The following NHLRC3 variants were observed in gnomAD, a reference collection of about 807,000 sequenced individuals.
NHLRC3 encodes NHL repeat-containing protein 3.
Under a neutral mutation model 32.0 loss-of-function variants are expected in NHLRC3, and 23 were observed. The ratio of observed to expected loss-of-function variants is 0.72; its 90% CI spans 0.52 to 1.02. The LOEUF is 1.02. Among genes scored for constraint, NHLRC3 ranks in the 50% least tolerant of loss-of-function variants. The probability of loss-of-function intolerance (pLI) is 0.00; values close to 1 mark genes in which losing one functional copy is unlikely to be tolerated. For synonymous variants in NHLRC3, 159 were observed against 147.9 expected (o/e 1.08, Z -0.55); for missense variants, 407 against 406.8 (o/e 1.00, Z -0.01).
chr13:39,046,887 T>C (rs1357489125), intron 5 of NHLRC3, among the ~76,000 whole-genome samples, 153 bp from the exon 6 acceptor site: 1 of 152,236 alleles, frequency 6.6e-6, no homozygotes, highest in Admixed American at 6.5e-5. Flanking sequence ...TTCTGAACTT[T>C]AGTTTTTCCT....
At position 39,042,124 on chromosome 13, in the gene NHLRC3, T is replaced by G; in HGVS notation, c.405T>G (p.Val135=). ...TTATAGGATTCTTTGGTCATACTGT[T>G]AAAAAATACAGTTCTTTTGGTGATC... ...DVGSGFFGHT[V]KKYSSFGDLV... Residue 135 remains valine (V), a synonymous_variant, in exon 4 of 7, where the codon GTT becomes GTG. Coordinates refer to ENST00000379600, the MANE Select transcript of NHLRC3 (RefSeq NM_001012754.4). The G allele has an allele frequency of 6.2e-7, 1 of 1,602,526 alleles. No homozygotes were observed. Among genetic ancestry groups the G allele is most frequent in the Non-Finnish European group, 8.5e-7 (1 of 1,169,658 alleles).
chr13:39,038,675 C>T lies in NHLRC3; in HGVS notation c.36C>T (p.Gly12=). The part of the protein sequence containing the change: ...ARFWVCVAGA[G]FFLAFLVLHS... ...TCTGGGTCTGCGTAGCCGGTGCTGG[C>T]TTCTTTCTTGCATTTTTGGTTTTGC... The change falls in exon 1 of 7, where the codon GGC becomes GGT. Residue 12 remains glycine (G), a synonymous_variant. Coordinates refer to ENST00000379600, the MANE Select transcript of NHLRC3 (RefSeq NM_001012754.4). 1.2e-6 allele frequency: 2 copies of T among 1,614,170 alleles called. No individual in the cohort carries two copies.
In NHLRC3 at chr13:39,049,010, C is replaced by T. The variant is rs996874873; in HGVS notation, c.*1084C>T. On this transcript the variant is annotated 3_prime_UTR_variant, in exon 7 of 7. Transcript: ENST00000379600. ...CCTCCTACATCTTCTCCTCCCACTC[C>T]CTCCTTTGGTGTGAATATTGGCTTC... is the stretch of plus-strand genomic sequence containing the variant. The T allele has an allele frequency of 1.6e-4, 24 of 152,572 alleles. No homozygotes were observed. Among genetic ancestry groups the T allele is most frequent in the African/African-American group, 4.6e-4 (19 of 41,500 alleles). The allele number at this position is 152,572 out of a possible 1,614,324, so 9.5% of individuals were successfully genotyped here. A position where few individuals can be genotyped will look rare whatever the true frequency, so the allele number is the denominator to read the frequency against.
At chr13:39,046,040 C>G (rs1358620592) in intron 5 of NHLRC3, among the ~76,000 whole-genome samples, 2 of 152,158 alleles carry the variant, frequency 1.3e-5, no homozygotes, top group Non-Finnish European at 2.9e-5. Flanking sequence ...TCATCAAAAA[C>G]CATTTCCTGC....
chr13:39,045,316 GA>G (rs1038360534), intron 5 of NHLRC3, among the ~76,000 whole-genome samples: 7 of 151,896 alleles, frequency 4.6e-5, no homozygotes, highest in Non-Finnish European at 1.0e-4. Context: ...TGTGTGCTAA[GA>G]AAAAAAATCA....
At chr13:39,046,366 G>A (rs1024508693) in intron 5 of NHLRC3, among the ~76,000 whole-genome samples, 1 of 152,144 alleles carries the variant, frequency 6.6e-6, no homozygotes, top group Non-Finnish European at 1.5e-5. Flanking sequence ...CTGCATGCAT[G>A]TGGCCATGAA....
chr13:39,040,615 A>G (rs1871430434), intron 3 of NHLRC3: 1 of 152,216 alleles, frequency 6.6e-6, no homozygotes, highest in African/African-American at 2.4e-5. Context: ...GTAGCTTAAG[A>G]CAAGGCAATA....
At chr13:39,038,312 T>C (rs1006819690), upstream of NHLRC3, 4 of 377,340 alleles carry the variant, frequency 1.1e-5, no homozygotes, top group Non-Finnish European at 2.0e-5. Flanking sequence ...CGGGCGCCCA[T>C]ACTTTGGTGG....
At chr13:39,039,764 CAT>C in intron 3 of NHLRC3, 53 bp downstream of exon 3, 1 of 1,330,416 alleles carries the variant, frequency 7.5e-7, no homozygotes, top group Non-Finnish European at 1.1e-6. Flanking sequence ...CATCTTTGCA[CAT>C]GTCCTTGTTT....
chr13:39,038,348 G>GC, upstream of NHLRC3: 4 of 479,648 alleles, frequency 8.3e-6, no homozygotes, highest in Non-Finnish European at 1.5e-5. Context: ...GGCGCGGACT[G>GC]CCCTGAGGGC....
Position 39,047,102 on chromosome 13 carries a change from GT to G in NHLRC3, c.743del (p.Leu248Ter). On this transcript the variant is annotated frameshift_variant, in exon 6 of 7. Transcript: ENST00000379600. LOFTEE classifies it low-confidence loss of function (END_TRUNC). ...TATTTGATAAAGACACTGGGGAGTG[GT>G]TAGGAGCATGGAATAATTGTTTCAC... is the stretch of plus-strand genomic sequence containing the variant. ...QVFDKDTGEW[L>X]GAWNNCFTEE... 6.2e-7 allele frequency: 1 copy of G among 1,612,996 alleles called. No homozygotes were observed. Among genetic ancestry groups the G allele is most frequent in the Non-Finnish European group, 8.5e-7 (1 of 1,179,402 alleles).
intron 4 of NHLRC3, among the ~76,000 whole-genome samples, chr13:39,043,279 CT>C (rs1229487452): frequency 2.0e-5 from 3 of 152,182 alleles, no homozygotes; most frequent in Admixed American, 2.0e-4. Context: ...TATTAGTTTC[CT>C]GTGGTTGCCA....
At chr13:39,047,617 A>G (rs1238040543) in intron 6 of NHLRC3, 57 bp from the exon 7 acceptor site, 2 of 1,493,094 alleles carry the variant, frequency 1.3e-6, no homozygotes, top group East Asian at 4.6e-5. Context: ...ATGTTGAAAA[A>G]AAATACCCTT....
At chr13:39,044,347 G>C in intron 5 of NHLRC3, 166 bp downstream of exon 5, 1 of 602,852 alleles carries the variant, frequency 1.7e-6, no homozygotes, top group East Asian at 2.8e-5. Flanking sequence ...GTATGTCTGG[G>C]TAATTACTCT....
chr13:39,047,227 G>C (rs879302558), intron 6 of NHLRC3, 75 bp downstream of exon 6: 8 of 794,392 alleles, frequency 1.0e-5, no homozygotes, highest in Non-Finnish European at 1.7e-5. Flanking sequence ...ATAGCTAGCT[G>C]AAAGTTTAAA....
chr13:39,042,081 A>C (rs1484133818), intron 3 of NHLRC3, 24 bp from the exon 4 acceptor site: 8 of 1,338,558 alleles, frequency 6.0e-6, no homozygotes, highest in Non-Finnish European at 7.5e-6. Context: ...TTTATTTGTG[A>C]GATGTACATA....
chr13:39,039,101 G>T (rs1266252503), intron 1 of NHLRC3, 35 bp from the exon 2 acceptor site: 3 of 1,471,668 alleles, frequency 2.0e-6, no homozygotes, highest in South Asian at 1.1e-5. Context: ...TACCTAGACG[G>T]TAAACTAAAT....
Position 39,044,029 on chromosome 13 carries a change from A to G in NHLRC3, c.587-61A>G, listed in dbSNP as rs115364207. 411 of 1,169,544 alleles carry G rather than the reference A, an allele frequency of 3.5e-4. 3 individuals are homozygous for G. In the African/African-American group the frequency reaches 5.8e-3, roughly 17 times the overall value. The allele number at this position is 1,169,544 out of a possible 1,614,324, so 72.4% of individuals were successfully genotyped here. On this transcript the variant is annotated intron_variant, in intron 4 of 6. Transcript: ENST00000379600. ...AGTTCTTTGTAACCTGTTTCATAAA[A>G]TATGCAAATGCATGAGACATTCTAT...
rs1392702418 is a variant in NHLRC3, at chr13:39,042,193, G to A, written c.474G>A (p.Leu158=). 1 of 1,611,594 alleles carries A rather than the reference G, an allele frequency of 6.2e-7. No individual in the cohort carries two copies. Among genetic ancestry groups the A allele is most frequent in the African/African-American group, 1.3e-5 (1 of 74,966 alleles). ...LGTPGKKGTS[L]NPLQFDNPAE... ...CTCCAGGCAAAAAAGGCACTAGTTT[G>A]AATCCTTTGCAGTTTGATAACCCAG... is the stretch of plus-strand genomic sequence containing the variant. The change falls in exon 4 of 7, where the codon TTG becomes TTA. Residue 158 remains leucine (L), a synonymous_variant. Transcript: ENST00000379600.
Sources: gnomAD v4.1 joint callset for allele counts (sites outside exome capture counted in the v4.1 genomes callset) on GRCh38, gnomAD v4.1.1 for gene constraint, MANE v1.5 for transcripts, NCBI Gene and HGNC (gene_info 2026-07-23, HGNC 2026-07-21) for gene names.